Variants in ZNF532 observed in about 807,000 individuals in gnomAD.
ZNF532 encodes zinc finger protein 532.
Under a neutral mutation model 89.3 loss-of-function variants are expected in ZNF532, and 22 were observed. The ratio of observed to expected loss-of-function variants is 0.25; its 90% CI spans 0.18 to 0.35. The LOEUF (loss-of-function observed/expected upper bound fraction) is 0.35, where lower values mean the gene tolerates loss of function less well. ZNF532 is among the 10% of genes least tolerant of loss of function. The probability of loss-of-function intolerance (pLI) is 1.00; values close to 1 mark genes in which losing one functional copy is unlikely to be tolerated. For missense variants in ZNF532, 1,132 were observed against 1,643.4 expected (o/e 0.69, Z 5.38); for synonymous variants, 606 against 649.6 (o/e 0.93, Z 1.02).
chr18:58,941,993 T>TCC (rs1266592959), intron 5 of ZNF532, among the ~76,000 whole-genome samples: 124 of 116,244 alleles, frequency 1.1e-3, no homozygotes, highest in Middle Eastern at 4.3e-3. Flanking sequence ...CCTCCTTCCC[T>TCC]TCCTTCCTTC....
rs147407112 is a variant in ZNF532, at chr18:58,876,418, C to T, written c.-18+10839C>T. 7.2e-3 allele frequency among the ~76,000 whole-genome samples: 1,102 copies of T among 152,240 alleles called. 7 individuals are homozygous for T. The highest frequency in any genetic ancestry group is 0.025 in the African/African-American group (1,028 of 41,550). On this transcript the variant is annotated intron_variant, in intron 2 of 9. Coordinates refer to ENST00000591808, the MANE Select transcript of ZNF532 (RefSeq NM_001375912.1). Reference sequence around the variant, plus strand: ...ACCTGCTTCCTCTCTGCTTCCAAAGCGATAAGATTCTCCAGGCCTTCCCTG... The same window carrying T: ...ACCTGCTTCCTCTCTGCTTCCAAAGTGATAAGATTCTCCAGGCCTTCCCTG...
In ZNF532 at chr18:58,918,446, A is replaced by G. The variant is rs760096585; in HGVS notation, c.159A>G (p.Ala53=). Residue 53 remains alanine, a synonymous_variant, in exon 3 of 10, where the codon GCA becomes GCG. Coordinates refer to ENST00000591808, the MANE Select transcript of ZNF532 (RefSeq NM_001375912.1). ...CTCACGGAGAGGATGACTCCCACGC[A>G]CCATCATCTTCTGATGTGGGTGTCA... ...QNAHGEDDSH[A]PSSSDVGVSV... is the part of the protein sequence containing the mutation. The G allele has an allele frequency of 6.2e-6, 10 of 1,614,184 alleles. No homozygotes were observed. The highest frequency in any genetic ancestry group is 7.6e-6 in the Non-Finnish European group (9 of 1,180,040).
chr18:58,953,120 T>C (rs751183984), intron 6 of ZNF532: 57 of 158,680 alleles, frequency 3.6e-4, no homozygotes, highest in Non-Finnish European at 7.1e-4. Flanking sequence ...TTCCTAATAA[T>C]GTATTAGCCT....
At chr18:58,882,261 A>T (rs895338745) in intron 2 of ZNF532, among the ~76,000 whole-genome samples, 3 of 152,050 alleles carry the variant, frequency 2.0e-5, no homozygotes, top group Admixed American at 2.0e-4. Context: ...CTCCCTCCAT[A>T]TTTGGAGATT....
intron 2 of ZNF532, among the ~76,000 whole-genome samples, chr18:58,888,151 G>A (rs1042505218): frequency 1.6e-4 from 24 of 151,388 alleles, no homozygotes; most frequent in African/African-American, 5.6e-4. Flanking sequence ...CAATCATCAT[G>A]AGTATTTTAT....
chr18:58,973,829 C>T (rs1302190081), intron 7 of ZNF532, among the ~76,000 whole-genome samples: 1 of 152,134 alleles, frequency 6.6e-6, no homozygotes, highest in African/African-American at 2.4e-5. Context: ...TACCAATAGA[C>T]CCAACAGCGT....
chr18:58,969,487 C>T (rs1301028036), intron 7 of ZNF532, among the ~76,000 whole-genome samples: 1 of 152,216 alleles, frequency 6.6e-6, no homozygotes, highest in African/African-American at 2.4e-5. Flanking sequence ...CACCTGGGTA[C>T]ACAGCACCTT....
chr18:58,955,393 G>A (rs542080110), intron 7 of ZNF532, among the ~76,000 whole-genome samples: 1 of 152,184 alleles, frequency 6.6e-6, no homozygotes, highest in Admixed American at 6.5e-5. Flanking sequence ...GTTCAAATAC[G>A]TGACGTTTTC....
At position 58,941,600 on chromosome 18, in the gene ZNF532, C is replaced by T. The variant is rs139919315; in HGVS notation, c.2705+1979C>T. ...GCCTCAGCCTTTCTAGTAGCTGGGA[C>T]CACAGGTGCACACGCATACCACCAC... is the stretch of plus-strand genomic sequence containing the variant. On this transcript the variant is annotated intron_variant, in intron 5 of 9. Coordinates refer to ENST00000591808, the MANE Select transcript of ZNF532 (RefSeq NM_001375912.1). 3.3e-3 allele frequency among the ~76,000 whole-genome samples: 504 copies of T among 151,234 alleles called. 2 individuals are homozygous for T. Among genetic ancestry groups the T allele is most frequent in the African/African-American group, 0.012 (479 of 41,250 alleles).
intron 7 of ZNF532, among the ~76,000 whole-genome samples, chr18:58,970,280 C>T (rs1039943335): frequency 6.6e-6 from 1 of 152,204 alleles, no homozygotes; most frequent in South Asian, 2.1e-4. Flanking sequence ...TTAAAAAGGG[C>T]CAAAAGATTC....
At chr18:58,951,812 G>A (rs1293686677) in intron 6 of ZNF532, among the ~76,000 whole-genome samples, 1 of 151,970 alleles carries the variant, frequency 6.6e-6, no homozygotes, top group Admixed American at 6.6e-5. Context: ...ACCATGCACG[G>A]CTAATTTTTT....
intron 9 of ZNF532, among the ~76,000 whole-genome samples, chr18:58,982,086 TCAG>T (rs2067853510): frequency 1.3e-5 from 2 of 150,756 alleles, no homozygotes; most frequent in African/African-American, 4.9e-5. Context: ...GACCTCATCA[TCAG>T]GAGTTCGAGA....
At chr18:58,932,181 T>G (rs2062019454) in intron 3 of ZNF532, among the ~76,000 whole-genome samples, 1 of 152,210 alleles carries the variant, frequency 6.6e-6, no homozygotes, top group Non-Finnish European at 1.5e-5. Flanking sequence ...TATGCCTCCC[T>G]CTTTCTCCTT....
intron 5 of ZNF532, 92 bp downstream of exon 5, chr18:58,939,713 A>G: frequency 7.8e-7 from 1 of 1,275,734 alleles, no homozygotes; most frequent in African/African-American, 1.5e-5. Context: ...ACATTTACCA[A>G]GATCTGAAAA....
At chr18:58,903,304 AAC>A (rs537464350) in intron 2 of ZNF532, among the ~76,000 whole-genome samples, 373 of 152,326 alleles carry the variant, frequency 2.4e-3, no homozygotes, top group Middle Eastern at 6.8e-3. Flanking sequence ...GCCTGCGAAA[AAC>A]ACACGCGGAA....
intron 2 of ZNF532, among the ~76,000 whole-genome samples, chr18:58,895,315 C>T (rs1407753659): frequency 1.3e-5 from 2 of 152,324 alleles, no homozygotes; most frequent in Non-Finnish European, 1.5e-5. Flanking sequence ...GCACGTACAC[C>T]TCCCAGATGC....
In ZNF532 at chr18:58,918,627, G is replaced by A. The variant is rs2060781633; in HGVS notation, c.340G>A (p.Val114Met). 1.9e-6 allele frequency: 3 copies of A among 1,614,086 alleles called. No homozygotes were observed. The highest frequency in any genetic ancestry group is 2.5e-6 in the Non-Finnish European group (3 of 1,180,046). The stretch of plus-strand genomic sequence containing the variant: ...TGGAGCAAAGTCCTTGAAAGGAGAT[G>A]TGCCTGCCTCTGAGGTGACACTGAA... ...KDGAKSLKGD[V>M]PASEVTLKDS... Residue 114 changes from valine (V) to methionine (M), a missense_variant, in exon 3 of 10, where the codon GTG (valine) becomes ATG (methionine). Physicochemically the swap from Val to Met is conservative, Grantham distance 21. Coordinates refer to ENST00000591808, the MANE Select transcript of ZNF532 (RefSeq NM_001375912.1).
intron 3 of ZNF532, among the ~76,000 whole-genome samples, chr18:58,930,805 A>G (rs1195621593): frequency 2.0e-5 from 3 of 152,170 alleles, no homozygotes; most frequent in Non-Finnish European, 4.4e-5. Flanking sequence ...TCTCAAGATT[A>G]CTTATAATAC....
intron 2 of ZNF532, among the ~76,000 whole-genome samples, chr18:58,900,367 T>C (rs989878491): frequency 2.0e-5 from 3 of 152,232 alleles, no homozygotes; most frequent in Admixed American, 6.5e-5. Context: ...GGTTTCTGTC[T>C]CATGCTCACC....
Sources: allele counts gnomAD v4.1 joint callset (sites outside exome capture counted in the v4.1 genomes callset), GRCh38; gene constraint gnomAD v4.1.1; transcripts MANE v1.5; gene names NCBI Gene and HGNC (gene_info 2026-07-23, HGNC 2026-07-21).